Variants in ARB2A observed in about 807,000 individuals in gnomAD.
The protein encoded by ARB2A is ARB2 cotranscriptional regulator A.
chr5:93,964,564 C>T, the ARB2A span: 2 of 1,424,772 alleles, frequency 1.4e-6, no homozygotes, highest in Non-Finnish European at 1.9e-6. Flanking sequence ...CCAATGTCAT[C>T]CATTATCAAA....
At chr5:93,850,459 G>C in the ARB2A span, among the ~76,000 whole-genome samples, 1 of 152,142 alleles carries the variant, frequency 6.6e-6, no homozygotes, top group South Asian at 2.1e-4. Flanking sequence ...TCAAATATCT[G>C]ATGGGATCCT....
the ARB2A span, among the ~76,000 whole-genome samples, chr5:94,099,358 C>T: frequency 1.3e-5 from 2 of 152,048 alleles, no homozygotes; most frequent in African/African-American, 2.4e-5. Flanking sequence ...GGCACGGTGG[C>T]TCATGCCTGT....
the ARB2A span, among the ~76,000 whole-genome samples, chr5:93,645,479 C>T: frequency 3.3e-5 from 5 of 151,002 alleles, no homozygotes; most frequent in Non-Finnish European, 4.4e-5. Flanking sequence ...GAAGCTGAGG[C>T]AGGAGAATCG....
chr5:94,084,666 A>G, the ARB2A span, among the ~76,000 whole-genome samples: 1 of 152,230 alleles, frequency 6.6e-6, no homozygotes, highest in Admixed American at 6.5e-5. Context: ...CATTAATACT[A>G]GAATAAACAA....
At chr5:94,092,093 T>G in the ARB2A span, among the ~76,000 whole-genome samples, 1 of 151,690 alleles carries the variant, frequency 6.6e-6, no homozygotes, top group Admixed American at 6.6e-5. Context: ...GGCTCACACC[T>G]GTAATCCCAG....
the ARB2A span, among the ~76,000 whole-genome samples, chr5:93,819,829 C>G: frequency 6.6e-6 from 1 of 152,236 alleles, no homozygotes; most frequent in African/African-American, 2.4e-5. Flanking sequence ...CTATCAGCTG[C>G]TGAAGGGCAG....
At chr5:93,925,034 G>A in the ARB2A span, among the ~76,000 whole-genome samples, 1 of 151,776 alleles carries the variant, frequency 6.6e-6, no homozygotes, top group South Asian at 2.1e-4. Flanking sequence ...TCTTACATTA[G>A]CAATAACTGA....
chr5:94,016,332 A>G, the ARB2A span, among the ~76,000 whole-genome samples: 1 of 152,228 alleles, frequency 6.6e-6, no homozygotes, highest in African/African-American at 2.4e-5. Context: ...GTATTATGAA[A>G]GTGGCTAACT....
the ARB2A span, among the ~76,000 whole-genome samples, chr5:93,790,203 T>C: frequency 1.3e-5 from 2 of 152,152 alleles, no homozygotes; most frequent in Non-Finnish European, 1.5e-5. Flanking sequence ...AGTCATAGGA[T>C]TATTTTGAGT....
chr5:94,022,059 ACT>A, the ARB2A span, among the ~76,000 whole-genome samples: 2 of 151,926 alleles, frequency 1.3e-5, no homozygotes, highest in Non-Finnish European at 2.9e-5. Flanking sequence ...CAACAGCAAA[ACT>A]CTGTCGCAAA....
At chr5:93,882,639 C>T in the ARB2A span, among the ~76,000 whole-genome samples, 2 of 151,160 alleles carry the variant, frequency 1.3e-5, no homozygotes, top group African/African-American at 4.8e-5. Flanking sequence ...TAAACAATAA[C>T]CATTGACAAG....
chr5:94,019,835 C>T, the ARB2A span, among the ~76,000 whole-genome samples: 1 of 152,110 alleles, frequency 6.6e-6, no homozygotes, highest in African/African-American at 2.4e-5. Flanking sequence ...TGACTTCACC[C>T]CTCCAGGCAT....
the ARB2A span, among the ~76,000 whole-genome samples, chr5:93,988,168 T>G: frequency 6.6e-6 from 1 of 152,206 alleles, no homozygotes; most frequent in Non-Finnish European, 1.5e-5. Context: ...TCCTTGCTTC[T>G]GTAATCTCCT....
chr5:94,051,523 T>C, the ARB2A span, among the ~76,000 whole-genome samples: 144 of 152,286 alleles, frequency 9.5e-4, 1 homozygote, highest in African/African-American at 3.3e-3. Flanking sequence ...TCAAGAAGAA[T>C]AGGCAAGGCA....
At chr5:93,739,325 G>A in the ARB2A span, 1 of 151,712 alleles carries the variant, frequency 6.6e-6, no homozygotes, top group South Asian at 2.1e-4. Flanking sequence ...GAAGAAACTA[G>A]GAAAAAATTA....
the ARB2A span, among the ~76,000 whole-genome samples, chr5:93,950,307 C>T: frequency 6.6e-6 from 1 of 152,104 alleles, no homozygotes; most frequent in African/African-American, 2.4e-5. Flanking sequence ...TCTCCATAGT[C>T]ATTGTACTAA....
the ARB2A span, among the ~76,000 whole-genome samples, chr5:93,940,531 ATT>A: frequency 6.6e-6 from 1 of 151,966 alleles, no homozygotes; most frequent in Non-Finnish European, 1.5e-5. Flanking sequence ...GAAATAGGCA[ATT>A]TATAGTGAAA....
the ARB2A span, among the ~76,000 whole-genome samples, chr5:94,042,633 G>A: frequency 2.0e-5 from 3 of 152,078 alleles, no homozygotes; most frequent in African/African-American, 7.2e-5. Context: ...ACAAAAATTT[G>A]TAATGGGTTA....
At chr5:94,104,032 A>G in the ARB2A span, among the ~76,000 whole-genome samples, 1 of 151,770 alleles carries the variant, frequency 6.6e-6, no homozygotes, top group African/African-American at 2.4e-5. Context: ...AGTATATAGC[A>G]CTAAACACCT....
Sources: allele counts gnomAD v4.1 joint callset (sites outside exome capture counted in the v4.1 genomes callset), GRCh38; gene constraint gnomAD v4.1.1; transcripts MANE v1.5; gene names NCBI Gene and HGNC (gene_info 2026-07-23, HGNC 2026-07-21).